Variants in CHST3 observed in about 807,000 individuals in gnomAD.
The protein encoded by CHST3 is carbohydrate sulfotransferase 3.
CHST3 carries 20 observed loss-of-function variants against 35.4 expected under a neutral mutation model. The observed-to-expected ratio is 0.57, with a 90% CI of 0.40 to 0.82. The LOEUF (loss-of-function observed/expected upper bound fraction) is 0.82. Ranked by LOEUF, CHST3 falls within the 40% of genes least tolerant of loss-of-function variation. The pLI, the probability that CHST3 is intolerant of heterozygous loss-of-function variation, is 0.00. For synonymous variants in CHST3, 334 were observed against 295.9 expected (o/e 1.13, Z -1.32); for missense variants, 693 against 670.1 (o/e 1.03, Z -0.38).
chr10:71,974,064 C>T (rs1479552717), intron 1 of CHST3, among the ~76,000 whole-genome samples: 1 of 152,222 alleles, frequency 6.6e-6, no homozygotes, highest in Non-Finnish European at 1.5e-5. Flanking sequence ...GTACCCCCCA[C>T]ATGGGGAAGA....
intron 1 of CHST3, among the ~76,000 whole-genome samples, chr10:71,994,575 A>T (rs964212890): frequency 6.6e-6 from 1 of 152,204 alleles, no homozygotes; most frequent in Non-Finnish European, 1.5e-5. Context: ...GGTCCCTAGG[A>T]GTTTTAGAAG....
chr10:72,008,726 C>T lies in CHST3; in HGVS notation c.*255C>T, dbSNP rs114569872. ...CCTCCTGAGCAGGCCTAGGCAGGCC[C>T]GGGCCTGTTGGCAAGCTTCGATCTC... On this transcript the variant is annotated 3_prime_UTR_variant, in exon 3 of 3. Coordinates refer to ENST00000373115, the MANE Select transcript of CHST3 (RefSeq NM_004273.5). 5.3e-3 allele frequency: 2,937 copies of T among 557,440 alleles called. 56 individuals carry two copies. Among genetic ancestry groups the T allele is most frequent in the African/African-American group, 0.049 (2,577 of 52,192 alleles). The allele number at this position is 557,440 out of a possible 1,614,324, so 34.5% of individuals were successfully genotyped here.
chr10:71,969,500 C>T (rs1044957029), intron 1 of CHST3, among the ~76,000 whole-genome samples: 1 of 152,228 alleles, frequency 6.6e-6, no homozygotes. Flanking sequence ...GAAAGGCTGG[C>T]GCCCTTCAAA....
rs1487296792 is a variant in CHST3, at chr10:71,964,400, C to G, written c.-402C>G. On this transcript the variant is annotated 5_prime_UTR_variant, in exon 1 of 3. Coordinates refer to ENST00000373115, the MANE Select transcript of CHST3 (RefSeq NM_004273.5). ...CGGTTCAGGAATCCGCCGCCGCTAG[C>G]CGGCTCGGGCCTGAGCGGGGAGGGC... 1 of 152,472 alleles carries G rather than the reference C, an allele frequency of 6.6e-6. No individual in the cohort carries two copies. The highest frequency in any genetic ancestry group is 1.5e-5 in the Non-Finnish European group (1 of 68,216). The allele number at this position is 152,472 out of a possible 1,614,324, so 9.4% of individuals were successfully genotyped here. A position where few individuals can be genotyped will look rare whatever the true frequency, so the allele number is the denominator to read the frequency against.
chr10:71,965,800 G>A (rs1839627102), intron 1 of CHST3, among the ~76,000 whole-genome samples: 1 of 152,200 alleles, frequency 6.6e-6, no homozygotes, highest in Admixed American at 6.5e-5. Context: ...TTTTCCAGCA[G>A]AGAAGGGGGC....
intron 1 of CHST3, among the ~76,000 whole-genome samples, chr10:71,996,129 TTCTGTGCCATTTCCCAGGCTC>T (rs1589504542): frequency 6.6e-6 from 1 of 152,112 alleles, no homozygotes; most frequent in Non-Finnish European, 1.5e-5. Context: ...TTGGCAGCAG[TTCTGTGCCATTTCCCAGGCTC>T]TCTGTGCCTC....
intron 1 of CHST3, among the ~76,000 whole-genome samples, chr10:71,996,598 A>T (rs1218290761): frequency 6.6e-6 from 1 of 152,124 alleles, no homozygotes; most frequent in Non-Finnish European, 1.5e-5. Flanking sequence ...AATTAACTTT[A>T]TGCTGGCCTT....
chr10:71,979,007 T>A (rs1839774163), intron 1 of CHST3, among the ~76,000 whole-genome samples: 2 of 152,344 alleles, frequency 1.3e-5, no homozygotes, highest in South Asian at 4.1e-4. Context: ...TTCCTTCCCT[T>A]TCCTTCCCTC....
intron 1 of CHST3, among the ~76,000 whole-genome samples, chr10:71,985,628 A>G (rs1839840988): frequency 6.6e-6 from 1 of 152,152 alleles, no homozygotes; most frequent in African/African-American, 2.4e-5. Context: ...GATCTCTTGA[A>G]ACCCTGCCTC....
chr10:72,008,378 C>T lies in CHST3; in HGVS notation c.1347C>T (p.Arg449=), dbSNP rs200249458. ...VVQAACGPAM[R]LFGYKLARDA... The stretch of plus-strand genomic sequence containing the variant: ...AGGCCGCCTGCGGCCCTGCCATGCG[C>T]CTCTTCGGCTACAAACTGGCGCGGG... The change falls in exon 3 of 3, where the codon CGC becomes CGT. Residue 449 remains arginine (R), a synonymous_variant. Transcript: ENST00000373115. The T allele has an allele frequency of 8.7e-4, 1,366 of 1,568,354 alleles. 16 individuals carry two copies. The African/African-American group carries it at 0.016, about 18-fold the overall frequency.
intron 1 of CHST3, among the ~76,000 whole-genome samples, chr10:71,989,638 T>C (rs148578852): frequency 1.6e-3 from 243 of 152,078 alleles, no homozygotes; most frequent in African/African-American, 5.6e-3. Flanking sequence ...TCCATTATTT[T>C]TATAACTTTC....
At chr10:72,002,165 G>A (rs1839998533) in intron 1 of CHST3, among the ~76,000 whole-genome samples, 1 of 152,202 alleles carries the variant, frequency 6.6e-6, no homozygotes, top group Non-Finnish European at 1.5e-5. Context: ...GCAGGGCAAG[G>A]GAGCCAACAG....
At position 71,987,710 on chromosome 10, in the gene CHST3, G is replaced by A. The variant is rs1274048268; in HGVS notation, c.-107-18026G>A. 9.8e-5 allele frequency among the ~76,000 whole-genome samples: 6 copies of A among 61,512 alleles called. No homozygotes were observed. The South Asian group carries it at 2.7e-3, about 27-fold the overall frequency. 40.4% of individuals were successfully genotyped at this position (61,512 alleles called of 152,430 possible). ...CACCCTGGGTAACAAGAGTGAGACT[G>A]TCTCAAAAAAAAAAAAAAAAAAAGA... On this transcript the variant is annotated intron_variant, in intron 1 of 2. Coordinates refer to ENST00000373115, the MANE Select transcript of CHST3 (RefSeq NM_004273.5).
At chr10:72,003,453 A>G (rs1433017840) in intron 1 of CHST3, among the ~76,000 whole-genome samples, 1 of 152,156 alleles carries the variant, frequency 6.6e-6, no homozygotes, top group Non-Finnish European at 1.5e-5. Context: ...TAATCCCAGC[A>G]CTTTGGGAGG....
At chr10:71,972,448 G>T (rs72806225) in intron 1 of CHST3, among the ~76,000 whole-genome samples, 9 of 152,324 alleles carry the variant, frequency 5.9e-5, no homozygotes, top group African/African-American at 1.2e-4. Context: ...TCTGACTCCA[G>T]TACCTGCCGG....
chr10:71,980,707 C>T (rs1839792584), intron 1 of CHST3, among the ~76,000 whole-genome samples: 1 of 152,154 alleles, frequency 6.6e-6, no homozygotes, highest in South Asian at 2.1e-4. Context: ...ACTTTGAGAC[C>T]CACCCTCCTG....
In CHST3 at chr10:72,009,110, C is replaced by T. The variant is rs1430052229; in HGVS notation, c.*639C>T. The T allele has an allele frequency of 2.0e-5, 3 of 152,336 alleles. No homozygotes were observed. The highest frequency in any genetic ancestry group is 4.4e-5 in the Non-Finnish European group (3 of 68,150). 9.4% of individuals were successfully genotyped at this position (152,336 alleles called of 1,614,324 possible). On this transcript the variant is annotated 3_prime_UTR_variant, in exon 3 of 3. Transcript: ENST00000373115. ...ACACACATGCGTATAGACATACATA[C>T]ATGTACACCATACATAGACAAGCAT...
Position 72,009,161 on chromosome 10 carries a change from C to G in CHST3, c.*690C>G, listed in dbSNP as rs1178496214. ...CATAAAGGCACAAGTGCACACACATCTATGCAGACAAGCTTCCTCGCTGCT... is the reference window on the plus strand; with the variant it reads ...CATAAAGGCACAAGTGCACACACATGTATGCAGACAAGCTTCCTCGCTGCT... On this transcript the variant is annotated 3_prime_UTR_variant, in exon 3 of 3. Coordinates refer to ENST00000373115, the MANE Select transcript of CHST3 (RefSeq NM_004273.5). The G allele has an allele frequency of 6.6e-6, 1 of 152,282 alleles. No homozygotes were observed. The highest frequency in any genetic ancestry group is 2.4e-5 in the African/African-American group (1 of 41,460). 9.4% of individuals were successfully genotyped at this position (152,282 alleles called of 1,614,324 possible). A position where few individuals can be genotyped will look rare whatever the true frequency, so the allele number is the denominator to read the frequency against.
intron 1 of CHST3, among the ~76,000 whole-genome samples, chr10:71,982,183 C>T (rs1459828623): frequency 6.6e-6 from 1 of 152,134 alleles, no homozygotes; most frequent in Non-Finnish European, 1.5e-5. Flanking sequence ...CCAGGAGAGC[C>T]CTAAATATAA....
Sources: gnomAD v4.1 joint callset for allele counts (sites outside exome capture counted in the v4.1 genomes callset) on GRCh38, gnomAD v4.1.1 for gene constraint, MANE v1.5 for transcripts, NCBI Gene and HGNC (gene_info 2026-07-23, HGNC 2026-07-21) for gene names.